Variants in ACOX3 observed in about 807,000 individuals in gnomAD.
The protein encoded by ACOX3 is peroxisomal acyl-coenzyme A oxidase 3.
ACOX3 carries 73 observed loss-of-function variants against 81.5 expected under a neutral mutation model. The observed-to-expected ratio is 0.90, with a 90% CI of 0.74 to 1.09. ACOX3 has a LOEUF of 1.09. Ranked by LOEUF, ACOX3 falls within the 50% of genes least tolerant of loss-of-function variation. ACOX3 has a pLI of 0.00. For synonymous variants in ACOX3, 387 were observed against 375.1 expected (o/e 1.03, Z -0.37); for missense variants, 947 against 928.0 (o/e 1.02, Z -0.27).
At chr4:8,435,230 C>T (rs1240292175) in intron 1 of ACOX3, among the ~76,000 whole-genome samples, 1 of 152,192 alleles carries the variant, frequency 6.6e-6, no homozygotes, top group Non-Finnish European at 1.5e-5. Context: ...GTGGCTCACG[C>T]CTATAATCCC....
At position 8,382,220 on chromosome 4, in the gene ACOX3, G is replaced by A. The variant is rs949144153; in HGVS notation, c.1538-613C>T. ...AGGGAGCAGATGTTGCAGACAGGGA[G>A]GCCCCGGGGTGGGGTGTCAGGCAGG... On this transcript the variant is annotated intron_variant, in intron 13 of 17. Transcript: ENST00000356406. The surrounding 1 kb of genome is among the most constrained non-coding windows in gnomAD (Gnocchi z 4.1). 6.6e-6 allele frequency among the ~76,000 whole-genome samples: 1 copy of A among 152,222 alleles called. No individual in the cohort carries two copies. The highest frequency in any genetic ancestry group is 1.5e-5 in the Non-Finnish European group (1 of 68,032).
the ACOX3 span, among the ~76,000 whole-genome samples, chr4:8,361,268 A>C: frequency 1.3e-5 from 2 of 150,104 alleles, no homozygotes; most frequent in African/African-American, 4.9e-5. Flanking sequence ...CTAAAAATGC[A>C]AAAAAAAATT....
intron 6 of ACOX3, 129 bp downstream of exon 6, chr4:8,410,083 T>C (rs1302817453): frequency 8.1e-7 from 1 of 1,240,832 alleles, no homozygotes; most frequent in African/African-American, 1.5e-5. Context: ...TCCTGGGCAG[T>C]GTCCCTGGTC....
rs1324997268 is a variant in ACOX3, at chr4:8,385,603, G to C, written c.1537+3570C>G. ...CTCAGCTCAGTGCAAAAATGCCTGTGCAAAAATCAGAGGAACTCAACAGAA... is the reference window on the plus strand; with the variant it reads ...CTCAGCTCAGTGCAAAAATGCCTGTCCAAAAATCAGAGGAACTCAACAGAA... On this transcript the variant is annotated intron_variant, in intron 13 of 17. Coordinates refer to ENST00000356406, the MANE Select transcript of ACOX3 (RefSeq NM_003501.3). This position sits in a 1 kb window ranked among gnomAD's most constrained non-coding sequence, Gnocchi z 5.5. Among the ~76,000 whole-genome samples the C allele has an allele frequency of 6.6e-6, 1 of 152,214 alleles. No homozygotes were observed. Among genetic ancestry groups the C allele is most frequent in the East Asian group, 1.9e-4 (1 of 5,198 alleles).
intron 3 of ACOX3, among the ~76,000 whole-genome samples, chr4:8,415,462 A>G (rs1272379538): frequency 6.6e-6 from 1 of 151,668 alleles, no homozygotes; most frequent in Non-Finnish European, 1.5e-5. Context: ...GAGGTAAAAA[A>G]AAAAAAAGTC....
rs536805067 is a variant in ACOX3 at position 8,416,392 on chromosome 4, T to G, written c.130A>C (p.Met44Leu). 2.2e-5 allele frequency: 36 copies of G among 1,614,212 alleles called. No homozygotes were observed. The Middle Eastern group carries it at 9.9e-4, about 44-fold the overall frequency. Residue 44 changes from methionine (M) to leucine (L), a missense_variant, in exon 2 of 18, where the codon ATG becomes CTG. Met to Leu is a conservative substitution (Grantham distance 15, BLOSUM62 2). Coordinates refer to ENST00000356406, the MANE Select transcript of ACOX3 (RefSeq NM_003501.3). The surrounding 1 kb of genome is among the most constrained non-coding windows in gnomAD (Gnocchi z 4.2). ...GCACGCCTCACCTTAAAGCGGAGCA[T>G]GCCCTCCCCTTCCGTGAACAGCGCC... ...ELALFTEGEG[M>L]LRFKKTIFSA...
chr4:8,424,108 T>C (rs1378346036), intron 1 of ACOX3, among the ~76,000 whole-genome samples: 2 of 152,230 alleles, frequency 1.3e-5, no homozygotes, highest in African/African-American at 4.8e-5. Flanking sequence ...CAGTGAGGAA[T>C]GCATCCAGCC....
At chr4:8,363,265 T>A (rs146063373), downstream of ACOX3, among the ~76,000 whole-genome samples, 76 of 152,380 alleles carry the variant, frequency 5.0e-4, no homozygotes, top group African/African-American at 1.7e-3. Flanking sequence ...TTTAGTTCAC[T>A]TGGGATAGCT....
At chr4:8,438,157 T>C (rs1329259680) in intron 1 of ACOX3, among the ~76,000 whole-genome samples, 1 of 152,204 alleles carries the variant, frequency 6.6e-6, no homozygotes, top group Non-Finnish European at 1.5e-5. Flanking sequence ...AAGTTAAAGT[T>C]TTCCCCACCA....
In ACOX3 at chr4:8,432,140, C is replaced by T. The variant is rs192839491; in HGVS notation, c.-15+8508G>A. On this transcript the variant is annotated intron_variant, in intron 1 of 17. Coordinates refer to ENST00000356406, the MANE Select transcript of ACOX3 (RefSeq NM_003501.3). This position sits in a 1 kb window ranked among gnomAD's most constrained non-coding sequence, Gnocchi z 6.2. ...ACATTAAGTGGTAGGCAGCTGAAAA[C>T]GGTGTTGGGAAAGAGTTGTGGAACA... Among the ~76,000 whole-genome samples, 10 of 152,194 alleles carry T rather than the reference C, an allele frequency of 6.6e-5. No individual in the cohort carries two copies. The highest frequency in any genetic ancestry group is 3.8e-4 in the East Asian group (2 of 5,196).
At chr4:8,415,404 T>C (rs1294075267) in intron 3 of ACOX3, among the ~76,000 whole-genome samples, 5 of 151,802 alleles carry the variant, frequency 3.3e-5, no homozygotes, top group Non-Finnish European at 5.9e-5. Flanking sequence ...TGGCCTACTT[T>C]TTAAATTTTT....
Position 8,407,671 on chromosome 4 carries a change from G to A in ACOX3, c.688-1628C>T, listed in dbSNP as rs1721149113. On this transcript the variant is annotated intron_variant, in intron 6 of 17. Coordinates refer to ENST00000356406, the MANE Select transcript of ACOX3 (RefSeq NM_003501.3). This position sits in a 1 kb window ranked among gnomAD's most constrained non-coding sequence, Gnocchi z 4.6. ...ACACAGGACTCCCTGCTAGATTTTA[G>A]TAAAGTGACAAAATGGCTGTGCAAA... is the stretch of plus-strand genomic sequence containing the variant. Among the ~76,000 whole-genome samples, 1 of 152,232 alleles carries A rather than the reference G, an allele frequency of 6.6e-6. No individual in the cohort carries two copies.
Position 8,431,765 on chromosome 4 carries a change from G to GT in ACOX3, c.-15+8882dup, listed in dbSNP as rs1194199311. ...TAGGGCCTCACCCACCCCCTCTCTT[G>GT]TTTATCTTGACTTCTGTCCCACTTC... On this transcript the variant is annotated intron_variant, in intron 1 of 17. Coordinates refer to ENST00000356406, the MANE Select transcript of ACOX3 (RefSeq NM_003501.3). This position sits in a 1 kb window ranked among gnomAD's most constrained non-coding sequence, Gnocchi z 5.3. Among the ~76,000 whole-genome samples the GT allele has an allele frequency of 6.6e-6, 1 of 152,124 alleles. No individual in the cohort carries two copies.
chr4:8,361,751 A>T (rs1715238155), downstream of ACOX3, among the ~76,000 whole-genome samples: 1 of 152,176 alleles, frequency 6.6e-6, no homozygotes, highest in Non-Finnish European at 1.5e-5. Flanking sequence ...TGTCTATAAG[A>T]TTTCATTAAG....
intron 1 of ACOX3, among the ~76,000 whole-genome samples, chr4:8,425,908 C>T (rs982974703): frequency 6.6e-6 from 1 of 152,078 alleles, no homozygotes; most frequent in African/African-American, 2.4e-5. Context: ...ACTTACACTG[C>T]GCCTGGAGGC....
Position 8,381,343 on chromosome 4 carries a change from G to C in ACOX3, c.1653+149C>G, listed in dbSNP as rs1008532954. ...CCTGTGTTACAGAGGAGCTGAGCAA[G>C]CAGCAAAGTCATCAAGTCATCTGCC... On this transcript the variant is annotated intron_variant, in intron 14 of 17. Transcript: ENST00000356406. This position sits in a 1 kb window ranked among gnomAD's most constrained non-coding sequence, Gnocchi z 4.3. The C allele has an allele frequency of 3.0e-6, 2 of 656,558 alleles. No homozygotes were observed. The highest frequency in any genetic ancestry group is 3.6e-5 in the African/African-American group (2 of 55,430). 40.7% of individuals were successfully genotyped at this position (656,558 alleles called of 1,614,324 possible). A position where few individuals can be genotyped will look rare whatever the true frequency, so the allele number is the denominator to read the frequency against.
rs1717672933 is a variant in ACOX3 at position 8,381,711 on chromosome 4, A to T, written c.1538-104T>A. 2 of 834,298 alleles carry T rather than the reference A, an allele frequency of 2.4e-6. No homozygotes were observed. Among genetic ancestry groups the T allele is most frequent in the Middle Eastern group, 4.6e-4 (2 of 4,364 alleles). The allele number at this position is 834,298 out of a possible 1,614,324, so 51.7% of individuals were successfully genotyped here. Reference sequence around the variant, plus strand: ...GCACTGCCAGCATCCTGCAGGTACCAGGTTGTCTTCATTGACAACCAAGTG... The same window carrying T: ...GCACTGCCAGCATCCTGCAGGTACCTGGTTGTCTTCATTGACAACCAAGTG... On this transcript the variant is annotated intron_variant, in intron 13 of 17. Transcript: ENST00000356406. This position sits in a 1 kb window ranked among gnomAD's most constrained non-coding sequence, Gnocchi z 4.3.
At chr4:8,410,006 A>G (rs1345498185) in intron 6 of ACOX3, among the ~76,000 whole-genome samples, 1 of 148,504 alleles carries the variant, frequency 6.7e-6, no homozygotes, top group Admixed American at 6.7e-5. Context: ...CATTGTGGGC[A>G]GGGCTGTGGA....
rs1720144039 is a variant in ACOX3, at chr4:8,399,678, T to TC, written c.777-27_777-26insG. ...CTGTGGGGAAGCAGCAGGGCTTCTG[T>TC]TAAACAGGGGTCCTGCCCTGAGGCT... is the stretch of plus-strand genomic sequence containing the variant. On this transcript the variant is annotated intron_variant, in intron 7 of 17. Coordinates refer to ENST00000356406, the MANE Select transcript of ACOX3 (RefSeq NM_003501.3). This position sits in a 1 kb window ranked among gnomAD's most constrained non-coding sequence, Gnocchi z 4.9. 6.3e-7 allele frequency: 1 copy of TC among 1,598,834 alleles called. No individual in the cohort carries two copies. The highest frequency in any genetic ancestry group is 8.6e-7 in the Non-Finnish European group (1 of 1,166,320).
Sources: allele counts gnomAD v4.1 joint callset (sites outside exome capture counted in the v4.1 genomes callset), GRCh38; gene constraint gnomAD v4.1.1; non-coding constraint Gnocchi (gnomAD v3.1); transcripts MANE v1.5; gene names NCBI Gene and HGNC (gene_info 2026-07-23, HGNC 2026-07-21).